GPHN: variants seen among roughly 807,000 people sequenced by gnomAD.
The protein encoded by GPHN is gephyrin.
In GPHN, 17 loss-of-function variants were observed where a neutral mutation model predicts 95.5. The observed-to-expected ratio is 0.18, with a 90% CI of 0.12 to 0.27. The LOEUF is 0.27. GPHN is among the 10% of genes least tolerant of loss of function. The pLI is 1.00. For missense variants in GPHN, 660 were observed against 978.1 expected (o/e 0.67, Z 4.34); for synonymous variants, 320 against 322.5 (o/e 0.99, Z 0.08).
chr14:67,228,609 T>C, the GPHN span: 1 of 152,272 alleles, frequency 6.6e-6, no homozygotes, highest in Admixed American at 6.5e-5. Context: ...TGTGGGTATC[T>C]ATTTTAAAGG....
intron 1 of GPHN, among the ~76,000 whole-genome samples, chr14:66,582,949 G>T (rs1252663879): frequency 6.6e-6 from 1 of 152,116 alleles, no homozygotes; most frequent in Non-Finnish European, 1.5e-5. Flanking sequence ...AAATCCCTGA[G>T]GAATCGCCAC....
intron 5 of GPHN, among the ~76,000 whole-genome samples, chr14:66,907,896 G>A (rs2153553564): frequency 6.6e-6 from 1 of 152,146 alleles, no homozygotes; most frequent in South Asian, 2.1e-4. Context: ...ATATGTACAA[G>A]CAAGGGGAAG....
intron 9 of GPHN, among the ~76,000 whole-genome samples, chr14:67,012,071 G>A (rs1367628488): frequency 3.3e-5 from 5 of 152,106 alleles, no homozygotes; most frequent in Admixed American, 2.6e-4. Context: ...ACATTGTTCT[G>A]TCCCAAATGA....
chr14:67,094,858 T>A (rs544398952), intron 12 of GPHN, among the ~76,000 whole-genome samples: 60 of 152,298 alleles, frequency 3.9e-4, no homozygotes, highest in African/African-American at 1.4e-3. Flanking sequence ...GTTAGATATG[T>A]TTAGATACAC....
chr14:66,969,835 A>T (rs1297947579), intron 9 of GPHN: 1 of 151,802 alleles, frequency 6.6e-6, no homozygotes, highest in Non-Finnish European at 1.5e-5. Flanking sequence ...AAAGGAAAAG[A>T]AATCAAGAAG....
chr14:67,228,065 G>A, the GPHN span, among the ~76,000 whole-genome samples: 1 of 151,768 alleles, frequency 6.6e-6, no homozygotes, highest in Non-Finnish European at 1.5e-5. Context: ...AGCTACTCAG[G>A]AGGCTGAGGC....
the GPHN span, among the ~76,000 whole-genome samples, chr14:67,300,259 T>C: frequency 6.6e-6 from 1 of 151,752 alleles, no homozygotes; most frequent in Non-Finnish European, 1.5e-5. Context: ...TTGGGTTTCA[T>C]AGGAAAATTA....
At chr14:67,007,812 C>G (rs1299857922) in intron 9 of GPHN, among the ~76,000 whole-genome samples, 2 of 152,024 alleles carry the variant, frequency 1.3e-5, no homozygotes, top group African/African-American at 4.8e-5. Context: ...GTCATATGTC[C>G]TGGTAGCTGC....
the GPHN span, among the ~76,000 whole-genome samples, chr14:67,275,519 T>G: frequency 1.3e-5 from 2 of 152,362 alleles, no homozygotes; most frequent in Non-Finnish European, 2.9e-5. Context: ...GGATTTGGTT[T>G]GCCAGTATTT....
the GPHN span, among the ~76,000 whole-genome samples, chr14:67,531,947 A>C: frequency 6.6e-6 from 1 of 151,270 alleles, no homozygotes; most frequent in African/African-American, 2.4e-5. Flanking sequence ...TGAATGAATT[A>C]ATGTCTTCTT....
chr14:67,474,112 CG>C, the GPHN span, among the ~76,000 whole-genome samples: 2 of 152,112 alleles, frequency 1.3e-5, no homozygotes, highest in African/African-American at 4.8e-5. Flanking sequence ...ATTAGCCTGG[CG>C]TGGTGGCCCG....
intron 2 of GPHN, among the ~76,000 whole-genome samples, chr14:66,731,505 T>C (rs907226772): frequency 5.3e-5 from 8 of 152,354 alleles, no homozygotes; most frequent in African/African-American, 1.7e-4. Flanking sequence ...GCAAAGAGAC[T>C]AGTGGCATTT....
the GPHN span, among the ~76,000 whole-genome samples, chr14:67,327,081 C>T: frequency 2.6e-5 from 4 of 151,860 alleles, 1 homozygote; most frequent in South Asian, 6.2e-4. Context: ...AGGCTGAGGC[C>T]GGAGAATCAC....
chr14:67,411,990 A>C, the GPHN span: 2 of 1,531,818 alleles, frequency 1.3e-6, no homozygotes, highest in East Asian at 5.4e-5. Context: ...CCACCCGGGC[A>C]ATGTCCCGAA....
intron 1 of GPHN, among the ~76,000 whole-genome samples, chr14:66,677,582 G>A (rs143332448): frequency 0.019 from 2,908 of 151,834 alleles, 36 homozygotes; most frequent in Middle Eastern, 0.034. Context: ...TGTATTTGTA[G>A]AATTTCCAAA....
At chr14:66,941,683 T>TAA (rs72495022) in intron 8 of GPHN, among the ~76,000 whole-genome samples, 1,851 of 138,644 alleles carry the variant, frequency 0.013, 16 homozygotes, top group Non-Finnish European at 0.02. Flanking sequence ...AAAGCCTTGG[T>TAA]AAAAAAAAAA....
chr14:67,497,720 T>A, the GPHN span, among the ~76,000 whole-genome samples: 2 of 152,290 alleles, frequency 1.3e-5, no homozygotes, highest in South Asian at 4.1e-4. Flanking sequence ...GTACTTTGTG[T>A]TCTTTTGAGC....
At chr14:67,731,210 T>C in the GPHN span, among the ~76,000 whole-genome samples, 857 of 106,870 alleles carry the variant, frequency 8.0e-3, 6 homozygotes, top group Non-Finnish European at 0.013. Context: ...TTTCTTTCTT[T>C]TTTTTTTTTT....
chr14:66,816,779 G>T (rs1245561432), intron 3 of GPHN, among the ~76,000 whole-genome samples: 1 of 152,004 alleles, frequency 6.6e-6, no homozygotes, highest in Non-Finnish European at 1.5e-5. Context: ...CAAAGCTAGT[G>T]GAAGACAAGT....
Sources: gnomAD v4.1 joint callset for allele counts (sites outside exome capture counted in the v4.1 genomes callset) on GRCh38, gnomAD v4.1.1 for gene constraint, MANE v1.5 for transcripts, NCBI Gene and HGNC (gene_info 2026-07-23, HGNC 2026-07-21) for gene names.